The following MGAT4D variants were observed in gnomAD, a reference collection of about 807,000 sequenced individuals.
The protein encoded by MGAT4D is MGAT4 family member D.
In MGAT4D, 34 loss-of-function variants were observed where a neutral mutation model predicts 15.9. That is an observed-to-expected ratio of 2.14 (90% CI 1.62 to 2.84). MGAT4D has a LOEUF of 2.84. Ranked by LOEUF, MGAT4D falls within the 30% of genes most tolerant of loss-of-function variation. The probability of loss-of-function intolerance (pLI) is 0.00; values close to 1 mark genes in which losing one functional copy is unlikely to be tolerated. For synonymous variants in MGAT4D, 112 were observed against 48.2 expected (o/e 2.33, Z -5.49); for missense variants, 327 against 140.2 (o/e 2.33, Z -6.73).
intron 9 of MGAT4D, among the ~76,000 whole-genome samples, chr4:140,455,688 C>T (rs189764908): frequency 2.0e-5 from 3 of 152,216 alleles, no homozygotes; most frequent in Non-Finnish European, 2.9e-5. Context: ...AATTGTAGAT[C>T]GGTCTATTTT....
intron 2 of MGAT4D, 106 bp downstream of exon 2, chr4:140,482,221 C>G: frequency 2.0e-6 from 1 of 510,536 alleles, no homozygotes. Context: ...AATAAAAGAA[C>G]CAGTACTGAT....
chr4:140,497,927 G>A (rs528672015), intron 1 of MGAT4D, among the ~76,000 whole-genome samples: 150 of 152,266 alleles, frequency 9.9e-4, no homozygotes, highest in Non-Finnish European at 5.1e-4. Context: ...AGGTCGGGGC[G>A]CGGGTTACAG....
chr4:140,482,426 A>T lies in MGAT4D; in HGVS notation c.154T>A (p.Leu52Ile). 1 of 643,802 alleles carries T rather than the reference A, an allele frequency of 1.6e-6. No homozygotes were observed. The highest frequency in any genetic ancestry group is 2.8e-6 in the Non-Finnish European group (1 of 363,186). The allele number at this position is 643,802 out of a possible 1,614,324, so 39.9% of individuals were successfully genotyped here. The change falls in exon 2 of 11, where the codon TTA becomes ATA. Residue 52 changes from leucine (L) to isoleucine (I), a missense_variant. Coordinates refer to ENST00000511113, the MANE Select transcript of MGAT4D (RefSeq NM_001277353.2). The stretch of plus-strand genomic sequence containing the variant: ...GTATTTTTTTCAGTTTTGTTTCTTA[A>T]GTGTAGCATATTTTCTTTAAACTCC... ...ILEFKENMLH[L>I]RNKTEKNTQE...
At chr4:140,462,891 C>T (rs965580221) in intron 6 of MGAT4D, among the ~76,000 whole-genome samples, 1 of 149,574 alleles carries the variant, frequency 6.7e-6, no homozygotes, top group African/African-American at 2.6e-5. Context: ...ACATTGTGAA[C>T]GTTTGCTTCA....
intron 9 of MGAT4D, among the ~76,000 whole-genome samples, chr4:140,454,264 A>G (rs1730656306): frequency 6.6e-6 from 1 of 152,138 alleles, no homozygotes; most frequent in Non-Finnish European, 1.5e-5. Context: ...GCTCTTTAAC[A>G]TGTCAGAGAC....
At chr4:140,478,567 T>C (rs1297833962) in intron 3 of MGAT4D, among the ~76,000 whole-genome samples, 1 of 152,210 alleles carries the variant, frequency 6.6e-6, no homozygotes, top group Non-Finnish European at 1.5e-5. Flanking sequence ...CCTCAGTTTT[T>C]TCAGGTGTAA....
chr4:140,477,557 C>G (rs955492468), intron 3 of MGAT4D, among the ~76,000 whole-genome samples: 1 of 152,198 alleles, frequency 6.6e-6, no homozygotes, highest in East Asian at 1.9e-4. Flanking sequence ...CAGTGGTTAG[C>G]ACATGCAGAA....
intron 1 of MGAT4D, among the ~76,000 whole-genome samples, chr4:140,494,281 G>A (rs186413239): frequency 3.9e-5 from 6 of 152,350 alleles, no homozygotes; most frequent in African/African-American, 1.4e-4. Context: ...CACTAAGAAT[G>A]TGGGAATGAT....
At chr4:140,463,131 A>C (rs1178487208) in intron 6 of MGAT4D, among the ~76,000 whole-genome samples, 1 of 152,174 alleles carries the variant, frequency 6.6e-6, no homozygotes, top group Admixed American at 6.5e-5. Context: ...TAGGAAGCCA[A>C]GAGAAATATA....
At chr4:140,497,815 T>C (rs1733934625) in intron 1 of MGAT4D, among the ~76,000 whole-genome samples, 1 of 152,208 alleles carries the variant, frequency 6.6e-6, no homozygotes, top group South Asian at 2.1e-4. Flanking sequence ...GGAAAAGCAG[T>C]GCACAGACGG....
Position 140,456,732 on chromosome 4 carries a change from A to T in MGAT4D, c.878-13T>A. ...CTAAACAGCTTTCCTATGGAAAAAA[A>T]TACAATTAGATGCAAATAATTCATA... is the stretch of plus-strand genomic sequence containing the variant. On this transcript the variant is annotated splice_polypyrimidine_tract_variant and intron_variant, in intron 8 of 10. Coordinates refer to ENST00000511113, the MANE Select transcript of MGAT4D (RefSeq NM_001277353.2). The T allele has an allele frequency of 1.6e-6, 1 of 644,682 alleles. No homozygotes were observed. The highest frequency in any genetic ancestry group is 2.8e-6 in the Non-Finnish European group (1 of 360,526). 39.9% of individuals were successfully genotyped at this position (644,682 alleles called of 1,614,324 possible).
chr4:140,485,111 C>T (rs377209957), intron 1 of MGAT4D, among the ~76,000 whole-genome samples: 1 of 152,142 alleles, frequency 6.6e-6, no homozygotes, highest in Non-Finnish European at 1.5e-5. Context: ...CGTATGTTTA[C>T]TGCGGCACTA....
intron 1 of MGAT4D, among the ~76,000 whole-genome samples, chr4:140,485,837 A>AAAAAAAAAAAAAAAAAAAAAAAAAAAC: frequency 6.9e-6 from 1 of 143,934 alleles, no homozygotes; most frequent in Non-Finnish European, 1.5e-5. Context: ...AAAAAAAAAA[A>AAAAAAAAAAAAAAAAAAAAAAAAAAAC]AAAAAAAAAA....
At chr4:140,467,496 G>A (rs1731619078) in intron 5 of MGAT4D, among the ~76,000 whole-genome samples, 1 of 152,046 alleles carries the variant, frequency 6.6e-6, no homozygotes, top group Non-Finnish European at 1.5e-5. Context: ...CAAAAGTTAC[G>A]TTACAATTTC....
rs369531560 is a variant in MGAT4D at position 140,497,363 on chromosome 4, G to C, written c.94+766C>G. ...TAAAAGATCAAATATAGGATACCTG[G>C]TTAAATTTGAAATTAAAATAAAAAA... On this transcript the variant is annotated intron_variant, in intron 1 of 10. Transcript: ENST00000511113. 4.4e-4 allele frequency among the ~76,000 whole-genome samples: 67 copies of C among 152,178 alleles called. No individual in the cohort carries two copies. In the East Asian group the frequency reaches 9.4e-3, roughly 21 times the overall value.
intron 4 of MGAT4D, 120 bp downstream of exon 4, chr4:140,474,693 G>A (rs756885225): frequency 8.7e-5 from 37 of 426,890 alleles, no homozygotes; most frequent in Non-Finnish European, 1.4e-4. Flanking sequence ...GCATCTATGG[G>A]TAGCTTTTTA....
At chr4:140,491,129 T>C (rs1297254570) in intron 1 of MGAT4D, among the ~76,000 whole-genome samples, 1 of 152,224 alleles carries the variant, frequency 6.6e-6, no homozygotes, top group African/African-American at 2.4e-5. Context: ...GTATTTTAAA[T>C]TCCACAGGAC....
chr4:140,473,407 G>C (rs1732104117), intron 4 of MGAT4D, among the ~76,000 whole-genome samples: 1 of 152,074 alleles, frequency 6.6e-6, no homozygotes, highest in Non-Finnish European at 1.5e-5. Context: ...ACAATGCACT[G>C]AAAATCCTGA....
At chr4:140,480,728 AAC>A (rs10615827) in intron 2 of MGAT4D, among the ~76,000 whole-genome samples, 2,288 of 125,588 alleles carry the variant, frequency 0.018, 40 homozygotes, top group Middle Eastern at 0.035. Flanking sequence ...CTCATCTCTA[AAC>A]ACACACACAC....
Sources: gnomAD v4.1 joint callset for allele counts (sites outside exome capture counted in the v4.1 genomes callset) on GRCh38, gnomAD v4.1.1 for gene constraint, MANE v1.5 for transcripts, NCBI Gene and HGNC (gene_info 2026-07-23, HGNC 2026-07-21) for gene names.